Variants in MAML2 observed in about 807,000 individuals in gnomAD.
MAML2 encodes mastermind like transcriptional coactivator 2, also known as mastermind-like protein 2.
A neutral mutation model predicts 96.1 loss-of-function variants in MAML2; 22 were observed. The observed-to-expected ratio is 0.23, with a 90% CI of 0.16 to 0.33. The LOEUF (loss-of-function observed/expected upper bound fraction) is 0.33, where lower values mean the gene tolerates loss of function less well. MAML2 is among the 10% of genes least tolerant of loss of function. The probability of loss-of-function intolerance (pLI) is 1.00; values close to 1 mark genes in which losing one functional copy is unlikely to be tolerated. For synonymous variants in MAML2, 561 were observed against 521.3 expected (o/e 1.08, Z -1.04); for missense variants, 1,367 against 1,392.4 (o/e 0.98, Z 0.29).
chr11:96,322,869 T>C (rs1001217403), intron 1 of MAML2, among the ~76,000 whole-genome samples: 7 of 152,184 alleles, frequency 4.6e-5, no homozygotes, highest in African/African-American at 1.7e-4. Context: ...GAGTTAGCTG[T>C]TGTGTAGAGT....
intron 1 of MAML2, among the ~76,000 whole-genome samples, chr11:96,157,429 G>T (rs1861027266): frequency 6.6e-6 from 1 of 152,272 alleles, no homozygotes; most frequent in African/African-American, 2.4e-5. Context: ...GAGTGCTACA[G>T]TAGGAGAATA....
intron 1 of MAML2, among the ~76,000 whole-genome samples, chr11:96,227,317 T>C (rs929582734): frequency 6.6e-6 from 1 of 152,212 alleles, no homozygotes; most frequent in Non-Finnish European, 1.5e-5. Context: ...CCTGTAGTGA[T>C]CCATTCCTTA....
At chr11:96,094,391 C>T (rs999437727) in intron 1 of MAML2, among the ~76,000 whole-genome samples, 7 of 152,106 alleles carry the variant, frequency 4.6e-5, no homozygotes, top group Admixed American at 2.6e-4. Context: ...GGGACAATAG[C>T]ACTTAACTCA....
At chr11:96,288,707 T>A (rs922077620) in intron 1 of MAML2, among the ~76,000 whole-genome samples, 1 of 152,218 alleles carries the variant, frequency 6.6e-6, no homozygotes. Flanking sequence ...AATTAAGGTA[T>A]AAAGCTGGTA....
intron 1 of MAML2, among the ~76,000 whole-genome samples, chr11:96,317,598 G>A (rs1863648885): frequency 6.6e-6 from 1 of 152,124 alleles, no homozygotes; most frequent in Non-Finnish European, 1.5e-5. Context: ...CCCTCTTACT[G>A]CCAGTTTCTC....
chr11:95,979,395 T>G lies in MAML2; in HGVS notation c.3024A>C (p.Gln1008His). 1 of 1,613,596 alleles carries G rather than the reference T, an allele frequency of 6.2e-7. No individual in the cohort carries two copies. Among genetic ancestry groups the G allele is most frequent in the Middle Eastern group, 1.7e-4 (1 of 6,058 alleles). ...QSLQQAVGSQ[Q>H]FSQRAVAPPN... is the part of the protein sequence containing the mutation. ...GAGGAGCCACTGCCCTCTGGGAAAA[T>G]TGCTGGCTACCTACTGCCTGTTGCA... The change falls in exon 5 of 5, where the codon CAA becomes CAC. Residue 1008 changes from glutamine to histidine, a missense_variant. Gln to His is a conservative substitution (Grantham distance 24, BLOSUM62 0). Transcript: ENST00000524717.
At chr11:96,155,648 C>T (rs2135883043) in intron 1 of MAML2, among the ~76,000 whole-genome samples, 1 of 149,958 alleles carries the variant, frequency 6.7e-6, no homozygotes. Context: ...CTAAGTTGCT[C>T]AGTGATGAAT....
chr11:96,168,651 G>A (rs528795037), intron 1 of MAML2, among the ~76,000 whole-genome samples: 1 of 152,332 alleles, frequency 6.6e-6, no homozygotes, highest in Admixed American at 6.5e-5. Flanking sequence ...TCTCTTAGAT[G>A]CCTTTCCTCA....
At chr11:96,182,980 A>G (rs1232302359) in intron 1 of MAML2, among the ~76,000 whole-genome samples, 6 of 134,722 alleles carry the variant, frequency 4.5e-5, no homozygotes, top group Admixed American at 8.0e-5. Context: ...TTTTTTTGAG[A>G]CAGAGTCTTG....
intron 1 of MAML2, among the ~76,000 whole-genome samples, chr11:96,126,073 AATACTTTCGTGACAT>A (rs1310865854): frequency 6.6e-6 from 1 of 152,198 alleles, no homozygotes; most frequent in East Asian, 1.9e-4. Context: ...ATACGGTCGT[AATACTTTCGTGACAT>A]GCTGACTTAT....
intron 1 of MAML2, among the ~76,000 whole-genome samples, chr11:96,237,750 T>C (rs957708042): frequency 6.6e-6 from 1 of 152,224 alleles, no homozygotes; most frequent in African/African-American, 2.4e-5. Context: ...CTACATAATC[T>C]TTTATGCACG....
chr11:96,174,308 C>A (rs1591054842), intron 1 of MAML2, among the ~76,000 whole-genome samples: 1 of 152,200 alleles, frequency 6.6e-6, no homozygotes. Flanking sequence ...TGAACACTCC[C>A]CCAGGACACT....
At chr11:96,274,670 G>A (rs1241819824) in intron 1 of MAML2, among the ~76,000 whole-genome samples, 1 of 152,040 alleles carries the variant, frequency 6.6e-6, no homozygotes, top group Non-Finnish European at 1.5e-5. Flanking sequence ...TAGCAATGTG[G>A]AATTGCATTG....
chr11:96,124,175 C>T (rs1440472954), intron 1 of MAML2, among the ~76,000 whole-genome samples: 6 of 151,624 alleles, frequency 4.0e-5, no homozygotes, highest in African/African-American at 1.2e-4. Context: ...CTGTGGCCCA[C>T]TGATTCCTAC....
intron 2 of MAML2, among the ~76,000 whole-genome samples, chr11:96,042,330 G>A (rs1415172749): frequency 1.3e-5 from 2 of 151,838 alleles, no homozygotes; most frequent in African/African-American, 2.4e-5. Flanking sequence ...CCATGTTGGT[G>A]AGGCTGGTCT....
chr11:96,293,388 T>C (rs1220922767), intron 1 of MAML2, among the ~76,000 whole-genome samples: 2 of 152,190 alleles, frequency 1.3e-5, no homozygotes, highest in Non-Finnish European at 2.9e-5. Context: ...TTTGAAATCA[T>C]CCAGCAGAAT....
chr11:96,061,796 C>CT (rs924933769), intron 2 of MAML2, among the ~76,000 whole-genome samples: 44 of 150,314 alleles, frequency 2.9e-4, no homozygotes, highest in Middle Eastern at 3.4e-3. Context: ...TCTTCTTTTC[C>CT]TTTTTTTTTA....
At chr11:96,218,709 A>T (rs1862086366) in intron 1 of MAML2, among the ~76,000 whole-genome samples, 1 of 152,188 alleles carries the variant, frequency 6.6e-6, no homozygotes, top group Non-Finnish European at 1.5e-5. Flanking sequence ...TTCAAATCTC[A>T]AAATTTTCCC....
intron 1 of MAML2, among the ~76,000 whole-genome samples, chr11:96,256,547 T>G (rs921246291): frequency 2.6e-5 from 4 of 152,192 alleles, no homozygotes; most frequent in African/African-American, 9.7e-5. Flanking sequence ...CCCCTATACA[T>G]GGGTTCATAG....
Sources: allele counts gnomAD v4.1 joint callset (sites outside exome capture counted in the v4.1 genomes callset), GRCh38; gene constraint gnomAD v4.1.1; transcripts MANE v1.5; gene names NCBI Gene and HGNC (gene_info 2026-07-23, HGNC 2026-07-21).